Variants in CDAN1 observed in about 807,000 individuals in gnomAD.
CDAN1 encodes the protein codanin 1.
Under a neutral mutation model 139.8 loss-of-function variants are expected in CDAN1, and 107 were observed. That is an observed-to-expected ratio of 0.77 (90% CI 0.65 to 0.90). The LOEUF (loss-of-function observed/expected upper bound fraction) is 0.90, where lower values mean the gene tolerates loss of function less well. Among genes scored for constraint, CDAN1 ranks in the 40% least tolerant of loss-of-function variants. The pLI, the probability that CDAN1 is intolerant of heterozygous loss-of-function variation, is 0.00. For synonymous variants in CDAN1, 776 were observed against 660.6 expected (o/e 1.17, Z -2.68); for missense variants, 1,667 against 1,575.7 (o/e 1.06, Z -0.98).
Position 42,727,717 on chromosome 15 carries a change from C to T in CDAN1, c.3000G>A (p.Gln1000=), listed in dbSNP as rs566135095. The T allele has an allele frequency of 3.8e-6, 6 of 1,585,288 alleles. No homozygotes were observed. The African/African-American group carries it at 5.4e-5, about 14-fold the overall frequency. ...CCCCCCGGGCAGCAGGTTCAGGACC[C>T]TGGGCTCGAAGTGTGCGACTCACTG... is the stretch of plus-strand genomic sequence containing the variant. ...KAAVSRTLRA[Q]GPEPAARGER... is the part of the protein sequence containing the mutation. The change falls in exon 23 of 28, where the codon CAG becomes CAA. Residue 1000 remains glutamine (Q), a synonymous_variant. Transcript: ENST00000356231.
chr15:42,730,136 G>A lies in CDAN1; in HGVS notation c.2254C>T (p.Leu752Phe). The A allele has an allele frequency of 6.2e-7, 1 of 1,614,110 alleles. No individual in the cohort carries two copies. Among genetic ancestry groups the A allele is most frequent in the Non-Finnish European group, 8.5e-7 (1 of 1,179,986 alleles). ...ACCCTCACTCTGCCCACCTGGAAAA[G>A]CCAGCCCAGGACAGCAAGTAGCAGC... ...KLLLLAVLGWLFQIPTVPEDL... is the reference protein window; with the variant it reads ...KLLLLAVLGWFFQIPTVPEDL... The change falls in exon 15 of 28, where the codon CTT becomes TTT. Residue 752 changes from leucine to phenylalanine, a missense_variant. By Grantham distance (22) the Leu-to-Phe change is conservative. Around this residue, in one of 3 missense-constraint regions of CDAN1, gnomAD observed 936 missense variants for 844.1 expected, o/e 1.11. Coordinates refer to ENST00000356231, the MANE Select transcript of CDAN1 (RefSeq NM_138477.4).
In CDAN1 at chr15:42,726,378, C is replaced by A; in HGVS notation, c.3136G>T (p.Glu1046Ter). The A allele has an allele frequency of 1.3e-6, 2 of 1,599,352 alleles. No homozygotes were observed. Among genetic ancestry groups the A allele is most frequent in the Non-Finnish European group, 1.7e-6 (2 of 1,173,150 alleles). Residue 1046 changes from glutamate (E) to a stop codon, truncating the protein, a stop_gained, in exon 24 of 28, where the codon GAG becomes TAG. Transcript: ENST00000356231. LOFTEE classifies it high-confidence loss of function. ...TCCAGATGCTCTGGGGAGACTCCCTCGTCAGGGTCCCGTGGCCCCACGGCC... is the reference window on the plus strand; with the variant it reads ...TCCAGATGCTCTGGGGAGACTCCCTAGTCAGGGTCCCGTGGCCCCACGGCC... ...SLAVGPRDPD[E>*]GVSPEHLEQL... is the part of the protein sequence containing the mutation.
Position 42,725,563 on chromosome 15 carries a change from G to C in CDAN1, c.3376C>G (p.Gln1126Glu), listed in dbSNP as rs1487959255. 2 of 1,614,038 alleles carry C rather than the reference G, an allele frequency of 1.2e-6. No homozygotes were observed. Among genetic ancestry groups the C allele is most frequent in the African/African-American group, 1.3e-5 (1 of 74,916 alleles). ...MLLSLWKEDF[Q>E]GPVPLQLLLS... ...AGCAGCTGCAGCGGAACCGGCCCCT[G>C]AAAGTCTTCCTTCCACAAGGAAAGC... is the stretch of plus-strand genomic sequence containing the variant. The change falls in exon 26 of 28, where the codon CAG becomes GAG. Residue 1126 changes from glutamine to glutamate, a missense_variant. Gln to Glu is a conservative substitution (Grantham distance 29). Around this residue, in one of 3 missense-constraint regions of CDAN1, gnomAD observed 936 missense variants for 844.1 expected, o/e 1.11. Coordinates refer to ENST00000356231, the MANE Select transcript of CDAN1 (RefSeq NM_138477.4).
In CDAN1 at chr15:42,736,612, C is replaced by T; in HGVS notation, c.259G>A (p.Gly87Arg). The T allele has an allele frequency of 6.6e-7, 1 of 1,506,946 alleles. No homozygotes were observed. The highest frequency in any genetic ancestry group is 1.5e-5 in the African/African-American group (1 of 68,880). The allele number at this position is 1,506,946 out of a possible 1,614,324, so 93.3% of individuals were successfully genotyped here. The stretch of plus-strand genomic sequence containing the variant: ...CCGCGGCTACCCCGCGGCGGGCCTC[C>T]CGGCCTCCCTGGCAAGGCTGCCGAG... ...GASAALPGRPGGPPRGSRGAR... is the reference protein window; with the variant it reads ...GASAALPGRPRGPPRGSRGAR... The change falls in exon 2 of 28, where the codon GGA becomes AGA. Residue 87 changes from glycine (G) to arginine (R), a missense_variant. Transcript: ENST00000356231.
At position 42,730,908 on chromosome 15, in the gene CDAN1, A is replaced by T; in HGVS notation, c.2007+17T>A. The T allele has an allele frequency of 6.2e-7, 1 of 1,614,052 alleles. No individual in the cohort carries two copies. The highest frequency in any genetic ancestry group is 8.5e-7 in the Non-Finnish European group (1 of 1,179,996). On this transcript the variant is annotated intron_variant, in intron 13 of 27. Coordinates refer to ENST00000356231, the MANE Select transcript of CDAN1 (RefSeq NM_138477.4). ...TCCTCCCTGCTCCCTCCTCACCAGA[A>T]TCCCCCGCCCATTCACCTGGCTCCT...
chr15:42,736,024 G>A lies in CDAN1; in HGVS notation c.624C>T (p.Leu208=), dbSNP rs112317805. 6.2e-7 allele frequency: 1 copy of A among 1,614,174 alleles called. No homozygotes were observed. The change falls in exon 3 of 28, where the codon CTC becomes CTT. Residue 208 remains leucine (L), a synonymous_variant. Coordinates refer to ENST00000356231, the MANE Select transcript of CDAN1 (RefSeq NM_138477.4). ...NPTPVSEERS[L]SKPKTCFTSP... is the part of the protein sequence containing the mutation. ...AGGTGAAGCAGGTCTTGGGCTTGGA[G>A]AGTGACCGCTCTTCGCTCACCGGAG...
In CDAN1 at chr15:42,736,537, C is replaced by A; in HGVS notation, c.334G>T (p.Glu112Ter). The A allele has an allele frequency of 6.8e-7, 1 of 1,465,744 alleles. No homozygotes were observed. The highest frequency in any genetic ancestry group is 9.0e-7 in the Non-Finnish European group (1 of 1,111,052). 90.8% of individuals were successfully genotyped at this position (1,465,744 alleles called of 1,614,324 possible). Residue 112 changes from glutamate to a stop codon, truncating the protein, a stop_gained, in exon 2 of 28, where the codon GAG (glutamate) becomes TAG (stop). Transcript: ENST00000356231. LOFTEE classifies it high-confidence loss of function. ...CCCCCGCGGCGGGCCAGAGGGGCCT[C>A]GGCAGCGGTGCTCTGGGCCTCGGTC... ...PPTEAQSTAA[E>*]APLARRGGRR...
Position 42,725,266 on chromosome 15 carries a change from G to A in CDAN1, c.3451-15C>T, listed in dbSNP as rs974381445. ...AGCAAGTCCCACTGCAAAACACACC[G>A]AGGTCAGGGTTGCTAGGAGGACGAC... On this transcript the variant is annotated splice_polypyrimidine_tract_variant and intron_variant, in intron 26 of 27. Coordinates refer to ENST00000356231, the MANE Select transcript of CDAN1 (RefSeq NM_138477.4). 19 of 1,610,936 alleles carry A rather than the reference G, an allele frequency of 1.2e-5. No individual in the cohort carries two copies. The highest frequency in any genetic ancestry group is 1.6e-5 in the Non-Finnish European group (19 of 1,177,280).
rs80338698 is a variant in CDAN1, at chr15:42,726,386, T to A, written c.3128A>T (p.Asp1043Val). 75 of 1,598,974 alleles carry A rather than the reference T, an allele frequency of 4.7e-5. No homozygotes were observed. The highest frequency in any genetic ancestry group is 6.2e-5 in the Non-Finnish European group (73 of 1,173,064). ...DVLSLAVGPR[D>V]PDEGVSPEHL... ...CTCTGGGGAGACTCCCTCGTCAGGGTCCCGTGGCCCCACGGCCAAGGAGAG... is the reference window on the plus strand; with the variant it reads ...CTCTGGGGAGACTCCCTCGTCAGGGACCCGTGGCCCCACGGCCAAGGAGAG... Residue 1043 changes from aspartate to valine, a missense_variant, in exon 24 of 28, where the codon GAC becomes GTC. Around this residue, in one of 3 missense-constraint regions of CDAN1, gnomAD observed 936 missense variants for 844.1 expected, o/e 1.11. Coordinates refer to ENST00000356231, the MANE Select transcript of CDAN1 (RefSeq NM_138477.4).
Position 42,733,953 on chromosome 15 carries a change from G to C in CDAN1, c.1352C>G (p.Thr451Ser). ...TTCTTATCACCTCTGTTTCTTAAAA[G>C]TATGAAAGGCTCGGTCACTGGAGAA... ...ANFSSDRAFH[T>S]FKKQRDVFYE... Residue 451 changes from threonine to serine, a missense_variant, in exon 8 of 28, where the codon ACT (threonine) becomes AGT (serine). This residue lies in a region of CDAN1 where 244 missense variants were observed against 309.4 expected (regional missense o/e 0.79). Transcript: ENST00000356231. The C allele has an allele frequency of 6.2e-7, 1 of 1,613,110 alleles. No homozygotes were observed. The highest frequency in any genetic ancestry group is 8.5e-7 in the Non-Finnish European group (1 of 1,179,078).
intron 25 of CDAN1, 69 bp downstream of exon 25, chr15:42,726,028 C>T (rs545423135): frequency 9.3e-6 from 7 of 753,690 alleles, no homozygotes; most frequent in Non-Finnish European, 1.4e-5. Context: ...TGTTTCTAAT[C>T]TTGCTTGTAC....
Position 42,731,067 on chromosome 15 carries a change from T to C in CDAN1, c.1865A>G (p.Glu622Gly). Residue 622 changes from glutamate (E) to glycine (G), a missense_variant, in exon 13 of 28, where the codon GAG becomes GGG. Coordinates refer to ENST00000356231, the MANE Select transcript of CDAN1 (RefSeq NM_138477.4). ...AAGCACCACAGCAAATTGCTTCCGC[T>C]CACCCTGCATGGAATCAAGGGAAGT... is the stretch of plus-strand genomic sequence containing the variant. ...DGESDVDWQG[E>G]RKQFAVVLLS... The C allele has an allele frequency of 6.2e-7, 1 of 1,614,194 alleles. No homozygotes were observed. Among genetic ancestry groups the C allele is most frequent in the East Asian group, 2.2e-5 (1 of 44,884 alleles).
chr15:42,724,696 A>G (rs1373250802), intron 27 of CDAN1, 80 bp from the exon 28 acceptor site: 2 of 1,496,076 alleles, frequency 1.3e-6, no homozygotes, highest in South Asian at 1.2e-5. Flanking sequence ...AAAGACCACA[A>G]CCTGGCTGGC....
rs370757859 is a variant in CDAN1 at position 42,736,323 on chromosome 15, G to A, written c.548C>T (p.Ser183Leu). ...SNLEEFPPVG[S>L]VPPGPTGTKP... ...TCACCCTGTAGGGCCGGGGGGAACC[G>A]AGCCTACGGGAGGGAACTCCTCCAG... is the stretch of plus-strand genomic sequence containing the variant. The change falls in exon 2 of 28, where the codon TCG becomes TTG. Residue 183 changes from serine to leucine, a missense_variant. Ser to Leu is a moderately radical substitution (Grantham distance 145, BLOSUM62 -2). Coordinates refer to ENST00000356231, the MANE Select transcript of CDAN1 (RefSeq NM_138477.4). 1.2e-4 allele frequency: 191 copies of A among 1,613,712 alleles called. No individual in the cohort carries two copies. Among genetic ancestry groups the A allele is most frequent in the Middle Eastern group, 4.9e-4 (3 of 6,084 alleles).
At chr15:42,729,719 CT>C (rs1261569333) in intron 16 of CDAN1, 76 bp downstream of exon 16, 1 of 1,587,462 alleles carries the variant, frequency 6.3e-7, no homozygotes. Flanking sequence ...ACATCTGCCC[CT>C]GGCTGGGCCT....
Position 42,728,785 on chromosome 15 carries a change from G to A in CDAN1, c.2671C>T (p.Arg891Cys), listed in dbSNP as rs8023524. The A allele has an allele frequency of 0.21, 334,207 of 1,613,806 alleles. 39,195 individuals are homozygous for A. The highest frequency in any genetic ancestry group is 0.44 in the African/African-American group (32,626 of 74,942). The stretch of plus-strand genomic sequence containing the variant: ...TCTTGGAGAAGTGACTCTGCCTGGC[G>A]CACCAGATCTGCCACCAGTGTAGCC... Reference protein sequence around the residue: ...IKATLVADLVRQAESLLQEQL... With the variant: ...IKATLVADLVCQAESLLQEQL... Residue 891 changes from arginine (R) to cysteine (C), a missense_variant, in exon 20 of 28, where the codon CGC becomes TGC. Arg to Cys is a radical substitution (Grantham distance 180). Coordinates refer to ENST00000356231, the MANE Select transcript of CDAN1 (RefSeq NM_138477.4).
chr15:42,731,509 T>C (rs1431951007), intron 11 of CDAN1, 111 bp downstream of exon 11: 2 of 1,433,860 alleles, frequency 1.4e-6, no homozygotes, highest in East Asian at 4.5e-5. Context: ...AAGTTGGAGC[T>C]GGAAGGAGCC....
Position 42,733,137 on chromosome 15 carries a change from G to C in CDAN1, c.1417C>G (p.Pro473Ala). 6.2e-7 allele frequency: 1 copy of C among 1,613,982 alleles called. No individual in the cohort carries two copies. Among genetic ancestry groups the C allele is most frequent in the Non-Finnish European group, 8.5e-7 (1 of 1,179,974 alleles). Residue 473 changes from proline to alanine, a missense_variant, in exon 9 of 28, where the codon CCT becomes GCT. By Grantham distance (27) the Pro-to-Ala change is conservative. Coordinates refer to ENST00000356231, the MANE Select transcript of CDAN1 (RefSeq NM_138477.4). ...AAGCCCTTCTCAAAATCCCAGCCAG[G>C]CTCCTCATGGTGATCTTCCCACTCT... ...LREWEDHHEE[P>A]GWDFEKGLGS...
rs999296713 is a variant in CDAN1, at chr15:42,733,163, C to T, written c.1391G>A (p.Arg464Gln). Residue 464 changes from arginine to glutamine, a missense_variant, in exon 9 of 28, where the codon CGA (arginine) becomes CAA (glutamine). Arg to Gln is a conservative substitution (Grantham distance 43, BLOSUM62 1). Transcript: ENST00000356231. The stretch of plus-strand genomic sequence containing the variant: ...CTCCTCATGGTGATCTTCCCACTCT[C>T]GCAGCACCTCATAAAACACATCCCT... ...KQRDVFYEVL[R>Q]EWEDHHEEPG... 10 of 1,613,978 alleles carry T rather than the reference C, an allele frequency of 6.2e-6. No homozygotes were observed. The highest frequency in any genetic ancestry group is 1.3e-5 in the African/African-American group (1 of 74,896).
Sources: allele counts gnomAD v4.1 joint callset, GRCh38; gene constraint gnomAD v4.1.1; regional missense constraint gnomAD v4.1.1; transcripts MANE v1.5; gene names NCBI Gene and HGNC (gene_info 2026-07-23, HGNC 2026-07-21).